ZBBX: variants seen among roughly 807,000 people sequenced by gnomAD.
The protein encoded by ZBBX is zinc finger B-box domain-containing protein 1.
In ZBBX, 101 loss-of-function variants were observed where a neutral mutation model predicts 108.5. The observed-to-expected ratio is 0.93, with a 90% confidence interval of 0.79 to 1.10. The LOEUF (loss-of-function observed/expected upper bound fraction) is 1.10. Among genes scored for constraint, ZBBX ranks in the 50% least tolerant of loss-of-function variants. The probability of loss-of-function intolerance (pLI) is 0.00; values close to 1 mark genes in which losing one functional copy is unlikely to be tolerated. For synonymous variants in ZBBX, 356 were observed against 323.4 expected (o/e 1.10, Z -1.08); for missense variants, 1,009 against 941.4 (o/e 1.07, Z -0.94).
At chr3:167,337,824 T>C (rs1458241826) in intron 9 of ZBBX, among the ~76,000 whole-genome samples, 2 of 152,120 alleles carry the variant, frequency 1.3e-5, no homozygotes, top group African/African-American at 4.8e-5. Flanking sequence ...TTTTAGAAAA[T>C]ATTTAAAATA....
At chr3:167,277,675 C>T (rs1017290465) in intron 20 of ZBBX, among the ~76,000 whole-genome samples, 3 of 152,056 alleles carry the variant, frequency 2.0e-5, no homozygotes, top group African/African-American at 7.2e-5. Context: ...CCACTGTCAA[C>T]AATAGACAGA....
intron 6 of ZBBX, among the ~76,000 whole-genome samples, chr3:167,361,294 T>A (rs1299263952): frequency 1.3e-5 from 2 of 152,188 alleles, no homozygotes; most frequent in Admixed American, 1.3e-4. Flanking sequence ...CACTGCTAGA[T>A]ATTTCAAATA....
intron 1 of ZBBX, among the ~76,000 whole-genome samples, chr3:167,390,753 T>A (rs1438639138): frequency 6.6e-6 from 1 of 152,160 alleles, no homozygotes; most frequent in African/African-American, 2.4e-5. Context: ...TTTGTAGCAG[T>A]TGTGAATGGG....
At chr3:167,318,865 C>T (rs1195102606) in intron 12 of ZBBX, among the ~76,000 whole-genome samples, 1 of 151,714 alleles carries the variant, frequency 6.6e-6, no homozygotes, top group Non-Finnish European at 1.5e-5. Flanking sequence ...AATGAATTAC[C>T]TTAAACCTCT....
At chr3:167,237,070 T>C (rs997227404), downstream of ZBBX, among the ~76,000 whole-genome samples, 1 of 151,782 alleles carries the variant, frequency 6.6e-6, no homozygotes, top group Admixed American at 6.6e-5. Flanking sequence ...AATTGCTTTT[T>C]TCTGAATCAA....
intron 11 of ZBBX, 34 bp from the exon 12 acceptor site, chr3:167,322,271 TAAGC>T: frequency 6.4e-6 from 9 of 1,415,374 alleles, no homozygotes; most frequent in Non-Finnish European, 8.3e-6. Context: ...ATAATTAAAA[TAAGC>T]AAGTTTACAA....
chr3:167,380,988 G>GT (rs929706372), upstream of ZBBX, among the ~76,000 whole-genome samples: 5 of 151,540 alleles, frequency 3.3e-5, no homozygotes, highest in African/African-American at 1.2e-4. Flanking sequence ...TAAATATGCT[G>GT]TTTTTTATCT....
intron 20 of ZBBX, among the ~76,000 whole-genome samples, chr3:167,247,956 A>G (rs1177559716): frequency 6.6e-6 from 1 of 152,104 alleles, no homozygotes; most frequent in African/African-American, 2.4e-5. Context: ...CTTTTCTCTC[A>G]TATGGTTTGA....
intron 10 of ZBBX, among the ~76,000 whole-genome samples, chr3:167,330,416 G>A (rs1240074581): frequency 3.3e-5 from 5 of 152,042 alleles, no homozygotes; most frequent in Non-Finnish European, 5.9e-5. Flanking sequence ...TTTTAGCTGG[G>A]AGCCTATATG....
the ZBBX span, among the ~76,000 whole-genome samples, chr3:167,194,086 G>T: frequency 6.6e-6 from 1 of 151,872 alleles, no homozygotes; most frequent in Non-Finnish European, 1.5e-5. Context: ...ATAATTTACT[G>T]TATATTTCAA....
At chr3:167,190,625 C>T in the ZBBX span, among the ~76,000 whole-genome samples, 1 of 152,130 alleles carries the variant, frequency 6.6e-6, no homozygotes, top group Non-Finnish European at 1.5e-5. Context: ...CGTGATCTGC[C>T]CACCTCGGCC....
Position 167,240,611 on chromosome 3 carries a change from T to C in ZBBX, c.*182A>G. On this transcript the variant is annotated 3_prime_UTR_variant, in exon 22 of 22. Coordinates refer to ENST00000675490, the MANE Select transcript of ZBBX (RefSeq NM_001199201.2). ...ATAGATTAGTGGTTGACATATAATA[T>C]ATCATTGGAAGAATAAGCCCTTGAA... The C allele has an allele frequency of 1.8e-6, 1 of 554,290 alleles. No homozygotes were observed. Among genetic ancestry groups the C allele is most frequent in the Non-Finnish European group, 3.1e-6 (1 of 326,422 alleles). The allele number at this position is 554,290 out of a possible 1,614,324, so 34.3% of individuals were successfully genotyped here.
chr3:167,358,363 A>G (rs1271975863), intron 8 of ZBBX, among the ~76,000 whole-genome samples: 1 of 147,516 alleles, frequency 6.8e-6, no homozygotes, highest in African/African-American at 2.5e-5. Context: ...ACTATTTACT[A>G]GGGGATGGGG....
At chr3:167,242,434 G>C in intron 21 of ZBBX, 71 bp downstream of exon 21, 1 of 1,275,036 alleles carries the variant, frequency 7.8e-7, no homozygotes, top group Non-Finnish European at 1.1e-6. Flanking sequence ...ATATAATAAA[G>C]ATAACTAGTT....
Position 167,294,922 on chromosome 3 carries a change from CAACA to C in ZBBX, c.1879+3379_1879+3382del, listed in dbSNP as rs796087723. On this transcript the variant is annotated intron_variant, in intron 18 of 21. Transcript: ENST00000675490. ...TCTCAAAAGAAGACATTTATGCAGC[CAACA>C]AACAAACAAACAAAAAGCTCATCAT... Among the ~76,000 whole-genome samples the C allele has an allele frequency of 2.8e-4, 42 of 152,106 alleles. 2 individuals are homozygous for C. Among genetic ancestry groups the C allele is most frequent in the African/African-American group, 8.2e-4 (34 of 41,510 alleles).
At chr3:167,232,868 C>G in the ZBBX span, among the ~76,000 whole-genome samples, 2 of 151,762 alleles carry the variant, frequency 1.3e-5, no homozygotes, top group Non-Finnish European at 2.9e-5. Flanking sequence ...CTGGTGAGAA[C>G]ACCTCCCTGT....
chr3:167,280,308 G>A (rs1265104135), intron 20 of ZBBX, among the ~76,000 whole-genome samples: 1 of 150,150 alleles, frequency 6.7e-6, no homozygotes, highest in African/African-American at 2.4e-5. Flanking sequence ...CCATCAGAGT[G>A]AACAGGTAAC....
intron 20 of ZBBX, among the ~76,000 whole-genome samples, chr3:167,248,051 C>T (rs1721897187): frequency 6.6e-6 from 1 of 152,146 alleles, no homozygotes; most frequent in African/African-American, 2.4e-5. Flanking sequence ...GCATTAGGTT[C>T]AGCCATCAAA....
At chr3:167,294,804 A>G (rs531907376) in intron 18 of ZBBX, among the ~76,000 whole-genome samples, 1 of 152,046 alleles carries the variant, frequency 6.6e-6, no homozygotes, top group Non-Finnish European at 1.5e-5. Flanking sequence ...CATTGGACAA[A>G]GGGCTAATAT....
Sources: gnomAD v4.1 joint callset for allele counts (sites outside exome capture counted in the v4.1 genomes callset) on GRCh38, gnomAD v4.1.1 for gene constraint, MANE v1.5 for transcripts, NCBI Gene and HGNC (gene_info 2026-07-23, HGNC 2026-07-21) for gene names.